CDH13: variants seen among roughly 807,000 people sequenced by gnomAD.
CDH13 encodes the protein cadherin 13, also known as cadherin-13.
Under a neutral mutation model 63.8 loss-of-function variants are expected in CDH13, and 24 were observed. The observed-to-expected ratio is 0.38, with a 90% confidence interval of 0.27 to 0.53. The LOEUF is 0.53. Ranked by LOEUF, CDH13 falls within the 20% of genes least tolerant of loss-of-function variation. The pLI is 0.85. For missense variants in CDH13, 1,049 were observed against 903.1 expected, an observed-to-expected ratio of 1.16 and a Z score of -2.07; for synonymous variants, 503 against 355.3, an observed-to-expected ratio of 1.42 and a Z score of -4.67.
chr16:83,770,788 T>A (rs567524468), intron 11 of CDH13, among the ~76,000 whole-genome samples: 22 of 152,016 alleles, frequency 1.4e-4, no homozygotes, highest in Non-Finnish European at 3.2e-4. Context: ...CCATGTTGAT[T>A]TTGGTGGGTT....
chr16:82,758,305 C>T (rs1343374936), intron 1 of CDH13, among the ~76,000 whole-genome samples: 4 of 152,152 alleles, frequency 2.6e-5, no homozygotes, highest in Non-Finnish European at 5.9e-5. Flanking sequence ...AAACTTGCAA[C>T]AGCTGGACAT....
chr16:82,740,049 C>T (rs2033860182), intron 1 of CDH13, among the ~76,000 whole-genome samples: 1 of 152,158 alleles, frequency 6.6e-6, no homozygotes, highest in South Asian at 2.1e-4. Context: ...TCTTAATGAG[C>T]AGAATGTGGA....
rs112243058 is a variant in CDH13 at position 82,999,323 on chromosome 16, T to A, written c.158-32687T>A. Among the ~76,000 whole-genome samples, 8 of 152,270 alleles carry A rather than the reference T, an allele frequency of 5.3e-5. 1 individual carries two copies. Among genetic ancestry groups the A allele is most frequent in the African/African-American group, 1.7e-4 (7 of 41,544 alleles). On this transcript the variant is annotated intron_variant, in intron 2 of 13. Coordinates refer to ENST00000567109, the MANE Select transcript of CDH13 (RefSeq NM_001257.5). ...GGTGCACATAACCTTAGGGAGGTGA[T>A]TTGAAGAAATTTTACCGAAATGTTG...
intron 5 of CDH13, among the ~76,000 whole-genome samples, chr16:83,303,103 G>A (rs1240123862): frequency 1.3e-5 from 2 of 152,170 alleles, no homozygotes; most frequent in Non-Finnish European, 2.9e-5. Flanking sequence ...TCTTTTATCT[G>A]TCATCTTTGG....
At chr16:83,168,165 C>G (rs1460576166) in intron 4 of CDH13, among the ~76,000 whole-genome samples, 1 of 151,744 alleles carries the variant, frequency 6.6e-6, no homozygotes, top group Non-Finnish European at 1.5e-5. Flanking sequence ...AGGTAACAAA[C>G]CTGCACTTGT....
At chr16:83,397,329 C>T (rs540907773) in intron 6 of CDH13, 5 of 152,186 alleles carry the variant, frequency 3.3e-5, no homozygotes, top group Admixed American at 6.5e-5. Flanking sequence ...GCTATGGAAG[C>T]CAAGGTATGT....
chr16:83,195,368 T>A (rs1403540469), intron 4 of CDH13, among the ~76,000 whole-genome samples: 1 of 152,172 alleles, frequency 6.6e-6, no homozygotes, highest in African/African-American at 2.4e-5. Flanking sequence ...AATTGACTCA[T>A]GGTTCCACAG....
intron 1 of CDH13, among the ~76,000 whole-genome samples, chr16:82,826,997 A>C (rs1473797675): frequency 6.6e-6 from 1 of 152,216 alleles, no homozygotes; most frequent in African/African-American, 2.4e-5. Context: ...CTTTGGAAGA[A>C]TTCATCCAGC....
At chr16:83,419,992 C>T (rs1045999932) in intron 6 of CDH13, among the ~76,000 whole-genome samples, 13 of 151,170 alleles carry the variant, frequency 8.6e-5, no homozygotes, top group Non-Finnish European at 2.9e-5. Context: ...CTTGAGAGAA[C>T]TGATTAACTC....
At chr16:82,794,029 G>C (rs917904435) in intron 1 of CDH13, among the ~76,000 whole-genome samples, 5 of 152,070 alleles carry the variant, frequency 3.3e-5, no homozygotes, top group African/African-American at 1.2e-4. Flanking sequence ...GAGGAAAGCA[G>C]AAAGGGAACT....
intron 5 of CDH13, among the ~76,000 whole-genome samples, chr16:83,223,661 C>G (rs147929075): frequency 6.6e-6 from 1 of 152,234 alleles, no homozygotes; most frequent in Non-Finnish European, 1.5e-5. Flanking sequence ...TCACTTCCAT[C>G]CAGTCTCACG....
chr16:83,366,605 G>A (rs1405644763), intron 6 of CDH13, among the ~76,000 whole-genome samples: 1 of 152,174 alleles, frequency 6.6e-6, no homozygotes, highest in African/African-American at 2.4e-5. Flanking sequence ...AGTCACAGTT[G>A]CTGGTTTAAG....
At chr16:83,318,500 G>A (rs553764045) in intron 5 of CDH13, among the ~76,000 whole-genome samples, 1 of 152,178 alleles carries the variant, frequency 6.6e-6, no homozygotes, top group East Asian at 1.9e-4. Flanking sequence ...TTGAATGAAA[G>A]ATCCCACATG....
At chr16:83,144,993 C>T (rs1307798553) in intron 4 of CDH13, among the ~76,000 whole-genome samples, 2 of 152,208 alleles carry the variant, frequency 1.3e-5, no homozygotes, top group African/African-American at 4.8e-5. Flanking sequence ...GCTTGTGATA[C>T]AGATGGCCCA....
At chr16:82,985,343 C>G (rs1195610807) in intron 2 of CDH13, among the ~76,000 whole-genome samples, 1 of 151,542 alleles carries the variant, frequency 6.6e-6, no homozygotes, top group East Asian at 2.0e-4. Context: ...GTAGGGAAAG[C>G]AGAACTCTGC....
In CDH13 at chr16:82,644,140, G is replaced by T. The variant is rs1909775533; in HGVS notation, c.45+17003G>T. ...TGTCATTGTACTCAAGTTGATAGCA[G>T]ATTGCTGAAGGATTTAGGATTTACC... On this transcript the variant is annotated intron_variant, in intron 1 of 13. Coordinates refer to ENST00000567109, the MANE Select transcript of CDH13 (RefSeq NM_001257.5). This position sits in a 1 kb window ranked among gnomAD's most constrained non-coding sequence, Gnocchi z 5.7. Among the ~76,000 whole-genome samples, 2 of 152,150 alleles carry T rather than the reference G, an allele frequency of 1.3e-5. No homozygotes were observed. The highest frequency in any genetic ancestry group is 4.8e-5 in the African/African-American group (2 of 41,434).
intron 7 of CDH13, among the ~76,000 whole-genome samples, chr16:83,514,747 A>G (rs1400939219): frequency 2.0e-5 from 3 of 152,200 alleles, no homozygotes; most frequent in Non-Finnish European, 4.4e-5. Flanking sequence ...ATGAGTCTAT[A>G]AACCAAGAAA....
At chr16:83,684,880 T>C (rs1042114812) in intron 10 of CDH13, among the ~76,000 whole-genome samples, 6 of 152,002 alleles carry the variant, frequency 3.9e-5, no homozygotes, top group African/African-American at 1.5e-4. Context: ...AGACGGAAGT[T>C]GATTTTTTTT....
intron 4 of CDH13, among the ~76,000 whole-genome samples, chr16:83,186,135 A>G (rs940425811): frequency 1.5e-5 from 2 of 137,508 alleles, no homozygotes; most frequent in Non-Finnish European, 3.2e-5. Context: ...ATTTTATTTT[A>G]TTTTATTTTA....
Sources: gnomAD v4.1 joint callset for allele counts (sites outside exome capture counted in the v4.1 genomes callset) on GRCh38, gnomAD v4.1.1 for gene constraint, Gnocchi (gnomAD v3.1) non-coding constraint, MANE v1.5 for transcripts, NCBI Gene and HGNC (gene_info 2026-07-23, HGNC 2026-07-21) for gene names.